The following KDM4C variants were observed in gnomAD, a reference collection of about 807,000 sequenced individuals.
KDM4C encodes the protein lysine demethylase 4C.
A neutral mutation model predicts 129.3 loss-of-function variants in KDM4C; 81 were observed. That is an observed-to-expected ratio of 0.63 (90% CI 0.52 to 0.75). The LOEUF is 0.75. KDM4C is among the 30% of genes least tolerant of loss of function. KDM4C has a pLI of 0.00. For synonymous variants in KDM4C, 573 were observed against 456.1 expected, an observed-to-expected ratio of 1.26 and a Z score of -3.26; for missense variants, 1,457 against 1,304.0, an observed-to-expected ratio of 1.12 and a Z score of -1.81.
intron 8 of KDM4C, among the ~76,000 whole-genome samples, chr9:6,908,507 C>T (rs989676752): frequency 6.6e-6 from 1 of 152,094 alleles, no homozygotes; most frequent in African/African-American, 2.4e-5. Context: ...CAGGTGGGAA[C>T]GGGCGTCCAC....
intron 1 of KDM4C, among the ~76,000 whole-genome samples, chr9:6,761,045 A>C (rs1819391136): frequency 7.5e-6 from 1 of 133,722 alleles, no homozygotes; most frequent in Non-Finnish European, 1.5e-5. Flanking sequence ...TCTGTTGTCC[A>C]TGGAGTCTCA....
chr9:6,903,851 C>A lies in KDM4C; in HGVS notation c.921+10619C>A, dbSNP rs557115951. ...GTTCATTGTATATCTCTTAAAATAT[C>A]AGCATATATCTGTATCTTTTCGAAA... On this transcript the variant is annotated intron_variant, in intron 8 of 21. Coordinates refer to ENST00000381309, the MANE Select transcript of KDM4C (RefSeq NM_015061.6). 2.7e-3 allele frequency among the ~76,000 whole-genome samples: 404 copies of A among 150,904 alleles called. 2 individuals are homozygous for A. The highest frequency in any genetic ancestry group is 9.6e-3 in the African/African-American group (393 of 41,002).
chr9:7,021,994 A>G (rs559286801), intron 15 of KDM4C, among the ~76,000 whole-genome samples: 7 of 152,244 alleles, frequency 4.6e-5, no homozygotes, highest in South Asian at 2.1e-4. Context: ...TGGGTTCTCT[A>G]TTCTCTTCCA....
Position 7,150,053 on chromosome 9 carries a change from C to T in KDM4C, c.2782-15185C>T, listed in dbSNP as rs560690990. On this transcript the variant is annotated intron_variant, in intron 19 of 21. Coordinates refer to ENST00000381309, the MANE Select transcript of KDM4C (RefSeq NM_015061.6). Reference sequence around the variant, plus strand: ...ACTGTAGAAAGGGAGAGGAAGGGGTCAGGGCTACAACTCTGTCTCCTGTTT... The same window carrying T: ...ACTGTAGAAAGGGAGAGGAAGGGGTTAGGGCTACAACTCTGTCTCCTGTTT... Among the ~76,000 whole-genome samples the T allele has an allele frequency of 9.9e-5, 15 of 152,262 alleles. No individual in the cohort carries two copies. In the South Asian group the frequency reaches 2.9e-3, roughly 29 times the overall value.
chr9:7,056,940 G>A (rs564719033), intron 17 of KDM4C, among the ~76,000 whole-genome samples: 4 of 152,126 alleles, frequency 2.6e-5, no homozygotes, highest in Non-Finnish European at 4.4e-5. Context: ...ATGCCAAACC[G>A]AGGCAGCTGT....
At chr9:7,064,633 C>A (rs2132725591) in intron 17 of KDM4C, among the ~76,000 whole-genome samples, 1 of 152,258 alleles carries the variant, frequency 6.6e-6, no homozygotes, top group Middle Eastern at 3.4e-3. Context: ...CTGGGAGAGG[C>A]ATAGGGTTTA....
chr9:6,965,686 A>G (rs1043982263), intron 8 of KDM4C, among the ~76,000 whole-genome samples: 1 of 152,234 alleles, frequency 6.6e-6, no homozygotes, highest in African/African-American at 2.4e-5. Flanking sequence ...GTTCCAGTTC[A>G]TGCAGTCAGA....
At chr9:7,002,947 A>G (rs1167409906) in intron 12 of KDM4C, among the ~76,000 whole-genome samples, 2 of 152,182 alleles carry the variant, frequency 1.3e-5, no homozygotes, top group Non-Finnish European at 2.9e-5. Context: ...TGCAGCCTCC[A>G]TCTCCCAGGT....
At chr9:7,032,636 A>AC (rs1564014497) in intron 15 of KDM4C, among the ~76,000 whole-genome samples, 2 of 152,248 alleles carry the variant, frequency 1.3e-5, no homozygotes, top group East Asian at 3.9e-4. Context: ...CAACTAATGA[A>AC]CCGGAGGGTG....
chr9:6,826,866 C>CA (rs1190907288), intron 4 of KDM4C, among the ~76,000 whole-genome samples: 18,614 of 137,030 alleles, frequency 0.14, 1,536 homozygotes, highest in African/African-American at 0.24. Flanking sequence ...AACTCCATCT[C>CA]AAAAAAAAAA....
intron 17 of KDM4C, among the ~76,000 whole-genome samples, chr9:7,052,914 C>CT (rs1830407152): frequency 4.7e-5 from 1 of 21,088 alleles, no homozygotes. Context: ...AGCGAGTGCC[C>CT]AAGGGATGAC....
chr9:6,956,918 C>T (rs1384769806), intron 8 of KDM4C, among the ~76,000 whole-genome samples: 1 of 152,192 alleles, frequency 6.6e-6, no homozygotes. Context: ...CTGAAGCCTT[C>T]TCTGCCATCC....
At chr9:6,721,236 G>GGT in intron 1 of KDM4C, 1 of 124,626 alleles carries the variant, frequency 8.0e-6, no homozygotes, top group Non-Finnish European at 1.3e-5. Flanking sequence ...ACTATGCCTG[G>GGT]CTTTTTTTTT....
At chr9:6,883,436 T>C (rs1278674137) in intron 6 of KDM4C, among the ~76,000 whole-genome samples, 1 of 152,234 alleles carries the variant, frequency 6.6e-6, no homozygotes, top group Non-Finnish European at 1.5e-5. Context: ...TATTTTCGTC[T>C]ATCAGCTGGA....
chr9:7,174,004 C>T (rs1245357968), intron 21 of KDM4C, among the ~76,000 whole-genome samples: 1 of 152,136 alleles, frequency 6.6e-6, no homozygotes, highest in Non-Finnish European at 1.5e-5. Flanking sequence ...ACCCCTGAGA[C>T]ATCAAAAGTG....
intron 17 of KDM4C, among the ~76,000 whole-genome samples, chr9:7,091,066 C>G (rs1011193202): frequency 2.0e-5 from 3 of 152,116 alleles, no homozygotes; most frequent in Non-Finnish European, 2.9e-5. Context: ...GAAAACCCCC[C>G]CAAAACCTCC....
chr9:6,809,256 C>G (rs976753326), intron 3 of KDM4C, among the ~76,000 whole-genome samples: 4 of 152,144 alleles, frequency 2.6e-5, no homozygotes, highest in African/African-American at 7.2e-5. Context: ...GAACATGAAA[C>G]TTTCAACAAA....
chr9:6,806,593 C>T (rs574182373), intron 3 of KDM4C, among the ~76,000 whole-genome samples: 1 of 152,120 alleles, frequency 6.6e-6, no homozygotes, highest in South Asian at 2.1e-4. Flanking sequence ...GGAATCTGAC[C>T]TTCAGATTCT....
intron 19 of KDM4C, among the ~76,000 whole-genome samples, chr9:7,155,822 T>C (rs900173077): frequency 2.6e-5 from 4 of 152,250 alleles, no homozygotes; most frequent in Non-Finnish European, 4.4e-5. Context: ...TAAACATACA[T>C]GTGCATGTGT....
Sources: gnomAD v4.1 joint callset for allele counts (sites outside exome capture counted in the v4.1 genomes callset) on GRCh38, gnomAD v4.1.1 for gene constraint, MANE v1.5 for transcripts, NCBI Gene and HGNC (gene_info 2026-07-23, HGNC 2026-07-21) for gene names.